Variants in ARHGAP15 observed in about 807,000 individuals in gnomAD.
ARHGAP15 encodes the protein Rho GTPase activating protein 15, also known as rho GTPase-activating protein 15.
Under a neutral mutation model 63.7 loss-of-function variants are expected in ARHGAP15, and 51 were observed. That is an observed-to-expected ratio of 0.80 (90% CI 0.64 to 1.01). The LOEUF (loss-of-function observed/expected upper bound fraction) is 1.01, where lower values mean the gene tolerates loss of function less well. ARHGAP15 is among the 50% of genes least tolerant of loss of function. The pLI, the probability that ARHGAP15 is intolerant of heterozygous loss-of-function variation, is 0.00. For synonymous variants in ARHGAP15, 191 were observed against 193.8 expected, an observed-to-expected ratio of 0.99 and a Z score of 0.12; for missense variants, 560 against 564.6, an observed-to-expected ratio of 0.99 and a Z score of 0.08.
intron 6 of ARHGAP15, among the ~76,000 whole-genome samples, chr2:143,372,984 TAA>T (rs34460482): frequency 0.079 from 10,839 of 136,584 alleles, 653 homozygotes; most frequent in Admixed American, 0.21. Flanking sequence ...TCTCTCCTCT[TAA>T]AAAAAAAAAA....
intron 6 of ARHGAP15, among the ~76,000 whole-genome samples, chr2:143,266,227 T>A (rs202018930): frequency 0.085 from 12,893 of 152,210 alleles, 671 homozygotes; most frequent in East Asian, 0.17. Flanking sequence ...TAAATAAATT[T>A]TCTCACTTCA....
rs367843222 is a variant in ARHGAP15 at position 143,318,027 on chromosome 2, G to A, written c.474+67427G>A. ...TTTATCCTTTTTTTTTTCTTTGATA[G>A]AGTCTCTGTTACCCAGGCTGAAGTG... is the stretch of plus-strand genomic sequence containing the variant. On this transcript the variant is annotated intron_variant, in intron 6 of 13. Coordinates refer to ENST00000295095, the MANE Select transcript of ARHGAP15 (RefSeq NM_018460.4). Among the ~76,000 whole-genome samples, 39 of 151,072 alleles carry A rather than the reference G, an allele frequency of 2.6e-4. No homozygotes were observed. The South Asian group carries it at 2.9e-3, about 11-fold the overall frequency.
Position 143,503,647 on chromosome 2 carries a change from G to A in ARHGAP15, c.827-15619G>A, listed in dbSNP as rs1226232554. On this transcript the variant is annotated intron_variant, in intron 9 of 13. Transcript: ENST00000295095. ...CTGCAGAGAACACATTCTGAAAATT[G>A]CAAAACAGATAATATATGATGAGAT... Among the ~76,000 whole-genome samples, 3 of 152,272 alleles carry A rather than the reference G, an allele frequency of 2.0e-5. No homozygotes were observed. In the East Asian group the frequency reaches 5.8e-4, roughly 29 times the overall value.
At chr2:143,305,200 C>T (rs1683111603) in intron 6 of ARHGAP15, among the ~76,000 whole-genome samples, 1 of 151,830 alleles carries the variant, frequency 6.6e-6, no homozygotes, top group Admixed American at 6.6e-5. Context: ...AGCTGGAAAC[C>T]ATCATTCTCA....
chr2:143,721,954 A>G (rs1338408377), intron 13 of ARHGAP15, among the ~76,000 whole-genome samples: 1 of 152,134 alleles, frequency 6.6e-6, no homozygotes, highest in Non-Finnish European at 1.5e-5. Flanking sequence ...CGGCCTCCCA[A>G]AGTGCTGGGA....
At position 143,570,011 on chromosome 2, in the gene ARHGAP15, C is replaced by T. The variant is rs1411111578; in HGVS notation, c.1003+13526C>T. On this transcript the variant is annotated intron_variant, in intron 11 of 13. Coordinates refer to ENST00000295095, the MANE Select transcript of ARHGAP15 (RefSeq NM_018460.4). ...GTGTTGTCTTGCCCAAGTCATTTAA[C>T]CTCCCCAGGTCAATTTTATTATCTT... Among the ~76,000 whole-genome samples the T allele has an allele frequency of 4.6e-5, 7 of 152,230 alleles. No individual in the cohort carries two copies. In the East Asian group the frequency reaches 1.2e-3, roughly 25 times the overall value.
chr2:143,380,376 G>A lies in ARHGAP15; in HGVS notation c.475-55225G>A, dbSNP rs7566795. Among the ~76,000 whole-genome samples, 344 of 152,162 alleles carry A rather than the reference G, an allele frequency of 2.3e-3. 2 individuals carry two copies. Among genetic ancestry groups the A allele is most frequent in the African/African-American group, 7.8e-3 (323 of 41,540 alleles). ...ATGCATTGTTTTGTTCAATCCTCACGTCAACCATATGGTATCATTCTGACT... is the reference window on the plus strand; with the variant it reads ...ATGCATTGTTTTGTTCAATCCTCACATCAACCATATGGTATCATTCTGACT... On this transcript the variant is annotated intron_variant, in intron 6 of 13. Transcript: ENST00000295095.
chr2:143,467,015 AC>A (rs1278793423), intron 8 of ARHGAP15, among the ~76,000 whole-genome samples: 2 of 152,080 alleles, frequency 1.3e-5, no homozygotes, highest in East Asian at 3.8e-4. Context: ...TAAAGGAAAA[AC>A]GTCTTTAATT....
intron 12 of ARHGAP15, among the ~76,000 whole-genome samples, chr2:143,632,307 T>C (rs1184407252): frequency 6.6e-6 from 1 of 152,054 alleles, no homozygotes; most frequent in African/African-American, 2.4e-5. Context: ...GCTTGACTAA[T>C]AGTAATATAT....
chr2:143,478,840 A>T (rs1641872160), intron 8 of ARHGAP15, among the ~76,000 whole-genome samples: 1 of 152,210 alleles, frequency 6.6e-6, no homozygotes, highest in South Asian at 2.1e-4. Context: ...TGGCTTTAAG[A>T]CATTTCTCAA....
At chr2:143,687,230 T>G (rs146733438) in intron 12 of ARHGAP15, among the ~76,000 whole-genome samples, 2,311 of 152,266 alleles carry the variant, frequency 0.015, 27 homozygotes, top group Non-Finnish European at 0.023. Flanking sequence ...AAAATGTGTG[T>G]TTCAATACAA....
chr2:143,651,556 A>T (rs1227578070), intron 12 of ARHGAP15, among the ~76,000 whole-genome samples: 1 of 152,016 alleles, frequency 6.6e-6, no homozygotes, highest in African/African-American at 2.4e-5. Context: ...CTTTATATGA[A>T]CATACGCTTT....
intron 6 of ARHGAP15, among the ~76,000 whole-genome samples, chr2:143,323,383 G>A (rs1320325889): frequency 6.6e-6 from 1 of 152,182 alleles, no homozygotes; most frequent in Non-Finnish European, 1.5e-5. Flanking sequence ...ATCTGATGAA[G>A]CTGGATATGT....
At chr2:143,241,168 A>G (rs1238630288) in intron 5 of ARHGAP15, among the ~76,000 whole-genome samples, 1 of 152,234 alleles carries the variant, frequency 6.6e-6, no homozygotes, top group Non-Finnish European at 1.5e-5. Flanking sequence ...TTTCTTAAAA[A>G]TTCACTACTA....
rs1425939001 is a variant in ARHGAP15 at position 143,697,205 on chromosome 2, C to A, written c.1139-6214C>A. Among the ~76,000 whole-genome samples, 5 of 152,172 alleles carry A rather than the reference C, an allele frequency of 3.3e-5. No individual in the cohort carries two copies. The South Asian group carries it at 8.3e-4, about 25-fold the overall frequency. ...ATTTACAAAGCTACAACATACTGTA[C>A]CCTGTTCCTACTTTTAGGAAAGCAT... On this transcript the variant is annotated intron_variant, in intron 12 of 13. Coordinates refer to ENST00000295095, the MANE Select transcript of ARHGAP15 (RefSeq NM_018460.4).
At chr2:143,529,734 T>C (rs967898356) in intron 10 of ARHGAP15, among the ~76,000 whole-genome samples, 1 of 152,166 alleles carries the variant, frequency 6.6e-6, no homozygotes, top group Non-Finnish European at 1.5e-5. Context: ...CTTGTGAATA[T>C]CACAAGAATC....
chr2:143,360,837 T>C (rs1558919541), intron 6 of ARHGAP15, among the ~76,000 whole-genome samples: 1 of 152,224 alleles, frequency 6.6e-6, no homozygotes, highest in East Asian at 1.9e-4. Flanking sequence ...CAGGCAATTC[T>C]TGAAACTAGT....
chr2:143,490,918 G>T (rs934626656), intron 9 of ARHGAP15, among the ~76,000 whole-genome samples: 1 of 152,068 alleles, frequency 6.6e-6, no homozygotes, highest in South Asian at 2.1e-4. Flanking sequence ...ATGAGCAACC[G>T]CACCTGGCCC....
At chr2:143,729,103 A>C (rs1685418793) in intron 13 of ARHGAP15, among the ~76,000 whole-genome samples, 1 of 152,224 alleles carries the variant, frequency 6.6e-6, no homozygotes, top group Non-Finnish European at 1.5e-5. Context: ...AAGGCAATTT[A>C]GGTCTGAGTT....
Sources: gnomAD v4.1 joint callset for allele counts (sites outside exome capture counted in the v4.1 genomes callset) on GRCh38, gnomAD v4.1.1 for gene constraint, MANE v1.5 for transcripts, NCBI Gene and HGNC (gene_info 2026-07-23, HGNC 2026-07-21) for gene names.